Variants in HERC1 observed in about 807,000 individuals in gnomAD.
HERC1 encodes HECT and RLD domain containing E3 ubiquitin protein ligase family member 1, also known as probable E3 ubiquitin-protein ligase HERC1.
A neutral mutation model predicts 554.3 loss-of-function variants in HERC1; 160 were observed. That is an observed-to-expected ratio of 0.29 (90% CI 0.25 to 0.33). The LOEUF (loss-of-function observed/expected upper bound fraction) is 0.33. HERC1 is among the 10% of genes least tolerant of loss of function. The pLI, the probability that HERC1 is intolerant of heterozygous loss-of-function variation, is 1.00. For missense variants in HERC1, 4,919 were observed against 5,918.5 expected (o/e 0.83, Z 5.54); for synonymous variants, 2,175 against 2,131.7 (o/e 1.02, Z -0.56).
In HERC1 at chr15:63,744,164, G is replaced by GTGTGTGTC; in HGVS notation, c.2520+2753_2520+2754insGACACACA. Among the ~76,000 whole-genome samples the GTGTGTGTC allele has an allele frequency of 7.8e-3, 360 of 46,076 alleles. 13 individuals are homozygous for GTGTGTGTC. The highest frequency in any genetic ancestry group is 0.042 in the East Asian group (84 of 1,996). 30.2% of individuals were successfully genotyped at this position (46,076 alleles called of 152,430 possible). A position where few individuals can be genotyped will look rare whatever the true frequency, so the allele number is the denominator to read the frequency against. On this transcript the variant is annotated intron_variant, in intron 12 of 77. Coordinates refer to ENST00000443617, the MANE Select transcript of HERC1 (RefSeq NM_003922.4). The stretch of plus-strand genomic sequence containing the variant: ...TGTGTGTGTGTGTGTGTGTGTGTGT[G>GTGTGTGTC]TCTCTCTCTCTCTCTCTCTCTCTCT...
chr15:63,658,232 T>C (rs1027035677), intron 48 of HERC1, among the ~76,000 whole-genome samples: 1 of 152,196 alleles, frequency 6.6e-6, no homozygotes, highest in Non-Finnish European at 1.5e-5. Context: ...AGACGGTCAA[T>C]ACATTTTGAC....
Position 63,678,082 on chromosome 15 carries a change from T to C in HERC1, c.6833A>G (p.Glu2278Gly). Reference sequence around the variant, plus strand: ...ATGCCTAGTATGTTTACCTTTCTCTTCCTCTTTGCTCTCCTTCTCCTCTCT... The same window carrying C: ...ATGCCTAGTATGTTTACCTTTCTCTCCCTCTTTGCTCTCCTTCTCCTCTCT... ...EMREEKESKE[E>G]EKGKHTRHGL... The change falls in exon 37 of 78, where the codon GAA becomes GGA. Residue 2278 changes from glutamate to glycine, a missense_variant. Around this residue, in one of 11 missense-constraint regions of HERC1, gnomAD observed 1,963 missense variants for 2,228.6 expected, o/e 0.88. Coordinates refer to ENST00000443617, the MANE Select transcript of HERC1 (RefSeq NM_003922.4). 1 of 1,614,024 alleles carries C rather than the reference T, an allele frequency of 6.2e-7. No homozygotes were observed. Among genetic ancestry groups the C allele is most frequent in the Non-Finnish European group, 8.5e-7 (1 of 1,179,900 alleles).
In HERC1 at chr15:63,641,529, T is replaced by G; in HGVS notation, c.11548A>C (p.Met3850Leu). ...GGGAGCCGCTCCAAAAATGCTCTCA[T>G]GCAGGGAGCCATGTTCAATCCCAGA... ...GVLGLNMAPCMRAFLERLPMM... is the reference protein window; with the variant it reads ...GVLGLNMAPCLRAFLERLPMM... Residue 3850 changes from methionine to leucine, a missense_variant, in exon 60 of 78, where the codon ATG (methionine) becomes CTG (leucine). Met to Leu is a conservative substitution (Grantham distance 15, BLOSUM62 2). Around this residue, in one of 11 missense-constraint regions of HERC1, gnomAD observed 1,963 missense variants for 2,228.6 expected, o/e 0.88. Transcript: ENST00000443617. The G allele has an allele frequency of 6.2e-7, 1 of 1,613,480 alleles. No individual in the cohort carries two copies. The highest frequency in any genetic ancestry group is 8.5e-7 in the Non-Finnish European group (1 of 1,179,652).
rs376058656 is a variant in HERC1 at position 63,641,521 on chromosome 15, T to C, written c.11556A>G (p.Ala3852=). 33 of 1,613,402 alleles carry C rather than the reference T, an allele frequency of 2.0e-5. No homozygotes were observed. The African/African-American group carries it at 2.9e-4, about 14-fold the overall frequency. The change falls in exon 60 of 78, where the codon GCA becomes GCG. Residue 3852 remains alanine, a synonymous_variant. Coordinates refer to ENST00000443617, the MANE Select transcript of HERC1 (RefSeq NM_003922.4). The part of the protein sequence containing the change: ...LGLNMAPCMR[A]FLERLPMMLQ... ...GCATCATGGGGAGCCGCTCCAAAAATGCTCTCATGCAGGGAGCCATGTTCA... is the reference window on the plus strand; with the variant it reads ...GCATCATGGGGAGCCGCTCCAAAAACGCTCTCATGCAGGGAGCCATGTTCA...
intron 74 of HERC1, among the ~76,000 whole-genome samples, chr15:63,622,240 T>C (rs541561153): frequency 2.5e-4 from 38 of 152,242 alleles, no homozygotes; most frequent in African/African-American, 8.9e-4. Context: ...TCAGGTTTCA[T>C]GATTAAGTCT....
chr15:63,611,513 C>T (rs1015800814), intron 77 of HERC1, among the ~76,000 whole-genome samples: 4 of 152,222 alleles, frequency 2.6e-5, no homozygotes, highest in Admixed American at 6.5e-5. Context: ...CCACAAGGCA[C>T]ACAACACAAG....
chr15:63,831,691 T>TG (rs963244820), intron 1 of HERC1, among the ~76,000 whole-genome samples: 3 of 152,170 alleles, frequency 2.0e-5, no homozygotes, highest in Non-Finnish European at 2.9e-5. Context: ...ATGACTTTTT[T>TG]GGGGGAAAAC....
intron 11 of HERC1, 139 bp downstream of exon 11, chr15:63,747,585 T>C (rs2075101295): frequency 6.2e-6 from 3 of 484,736 alleles, no homozygotes; most frequent in Non-Finnish European, 1.1e-5. Context: ...CTTTTCTAGA[T>C]TATAAAAAAG....
At chr15:63,714,662 C>T (rs2073464569) in intron 22 of HERC1, among the ~76,000 whole-genome samples, 1 of 150,424 alleles carries the variant, frequency 6.6e-6, no homozygotes, top group Non-Finnish European at 1.5e-5. Flanking sequence ...GATTCTCCTG[C>T]CTCAGCCTCC....
chr15:63,647,474 T>C (rs959294508), intron 55 of HERC1, among the ~76,000 whole-genome samples: 40 of 152,112 alleles, frequency 2.6e-4, no homozygotes, highest in African/African-American at 9.2e-4. Flanking sequence ...AGAACTACCA[T>C]TTGATCCAGC....
rs900750516 is a variant in HERC1, at chr15:63,718,082, T to G, written c.3978+492A>C. Among the ~76,000 whole-genome samples the G allele has an allele frequency of 1.3e-5, 1 of 76,674 alleles. No individual in the cohort carries two copies. Among genetic ancestry groups the G allele is most frequent in the Non-Finnish European group, 2.8e-5 (1 of 35,384 alleles). 50.3% of individuals were successfully genotyped at this position (76,674 alleles called of 152,430 possible). ...AAGTATTTTTAAGGCAGCTATTATG[T>G]GACACACACACACACACACACACAC... On this transcript the variant is annotated intron_variant, in intron 21 of 77. Transcript: ENST00000443617. The surrounding 1 kb of genome is among the most constrained non-coding windows in gnomAD (Gnocchi z 4.2).
chr15:63,662,654 C>A (rs2070417636), intron 44 of HERC1, among the ~76,000 whole-genome samples: 1 of 152,132 alleles, frequency 6.6e-6, no homozygotes, highest in Non-Finnish European at 1.5e-5. Flanking sequence ...GCACAGCAGC[C>A]ATGTTATATA....
chr15:63,744,367 AAGACTCT>A (rs1413944863), intron 12 of HERC1, among the ~76,000 whole-genome samples: 1 of 152,112 alleles, frequency 6.6e-6, no homozygotes, highest in Non-Finnish European at 1.5e-5. Flanking sequence ...ATGTTCGCTC[AAGACTCT>A]GTGGTTCCAC....
rs1193416107 is a variant in HERC1, at chr15:63,672,824, GA to G, written c.7847-131del. On this transcript the variant is annotated intron_variant, in intron 38 of 77. Coordinates refer to ENST00000443617, the MANE Select transcript of HERC1 (RefSeq NM_003922.4). ...ATATTTCACAAGCATCAATTTCTAT[GA>G]AAGATTGACAGAAAAAAATATTCTT... The G allele has an allele frequency of 1.4e-5, 9 of 654,214 alleles. No homozygotes were observed. The East Asian group carries it at 1.7e-4, about 12-fold the overall frequency. 40.5% of individuals were successfully genotyped at this position (654,214 alleles called of 1,614,324 possible).
At chr15:63,646,345 T>A (rs1333775856) in intron 55 of HERC1, among the ~76,000 whole-genome samples, 3 of 152,194 alleles carry the variant, frequency 2.0e-5, no homozygotes, top group Non-Finnish European at 4.4e-5. Flanking sequence ...TTCACTGTTT[T>A]AGCTTTACTC....
intron 1 of HERC1, among the ~76,000 whole-genome samples, chr15:63,825,463 T>C (rs899539742): frequency 1.3e-4 from 20 of 152,316 alleles, no homozygotes; most frequent in Non-Finnish European, 2.5e-4. Flanking sequence ...CATTTCACTA[T>C]GTATATCAAA....
chr15:63,682,050 A>G (rs2071506153), intron 34 of HERC1, among the ~76,000 whole-genome samples: 1 of 152,174 alleles, frequency 6.6e-6, no homozygotes, highest in East Asian at 1.9e-4. Context: ...AGTGGCAGCA[A>G]TGAGATTCAC....
chr15:63,654,264 T>G lies in HERC1; in HGVS notation c.10145A>C (p.Gln3382Pro). The change falls in exon 51 of 78, where the codon CAG (glutamine) becomes CCG (proline). Residue 3382 changes from glutamine to proline, a missense_variant. Coordinates refer to ENST00000443617, the MANE Select transcript of HERC1 (RefSeq NM_003922.4). ...ACCLSSRLSSQHRQWAAQQLV... is the reference protein window; with the variant it reads ...ACCLSSRLSSPHRQWAAQQLV... The stretch of plus-strand genomic sequence containing the variant: ...TTGCTGAGCTGCCCATTGCCGATGC[T>G]GTGAGGACAGCCTGGAGGAGAGGCA... 6.2e-7 allele frequency: 1 copy of G among 1,614,010 alleles called. No homozygotes were observed. The highest frequency in any genetic ancestry group is 8.5e-7 in the Non-Finnish European group (1 of 1,179,878).
At chr15:63,635,384 C>G (rs1343625721) in intron 65 of HERC1, among the ~76,000 whole-genome samples, 1 of 152,156 alleles carries the variant, frequency 6.6e-6, no homozygotes, top group Non-Finnish European at 1.5e-5. Context: ...TGCTCTCCTG[C>G]TCTCCCAAGT....
Sources: allele counts gnomAD v4.1 joint callset (sites outside exome capture counted in the v4.1 genomes callset), GRCh38; gene constraint gnomAD v4.1.1; regional missense constraint gnomAD v4.1.1; non-coding constraint Gnocchi (gnomAD v3.1); transcripts MANE v1.5; gene names NCBI Gene and HGNC (gene_info 2026-07-23, HGNC 2026-07-21).